EDEM1: variants seen among roughly 807,000 people sequenced by gnomAD.
EDEM1 encodes ER degradation enhancing alpha-mannosidase like protein 1, also known as ER degradation-enhancing alpha-mannosidase-like protein 1.
In EDEM1, 67 loss-of-function variants were observed where a neutral mutation model predicts 74.4. That is an observed-to-expected ratio of 0.90 (90% confidence interval 0.74 to 1.10). The LOEUF is 1.10. Among genes scored for constraint, EDEM1 ranks in the 50% least tolerant of loss-of-function variants. The probability of loss-of-function intolerance (pLI) is 0.00; values close to 1 mark genes in which losing one functional copy is unlikely to be tolerated. For missense variants in EDEM1, 926 were observed against 851.6 expected (o/e 1.09, Z -1.09); for synonymous variants, 382 against 335.9 (o/e 1.14, Z -1.50).
intron 2 of EDEM1, among the ~76,000 whole-genome samples, chr3:5,197,759 T>C (rs2054987031): frequency 6.6e-6 from 1 of 152,262 alleles, no homozygotes; most frequent in African/African-American, 2.4e-5. Context: ...CCCTGACCAT[T>C]GGATGCAACT....
chr3:5,205,026 TG>T (rs2055077652), intron 5 of EDEM1, 40 bp from the exon 6 acceptor site: 1 of 1,602,704 alleles, frequency 6.2e-7, no homozygotes, highest in African/African-American at 1.3e-5. Context: ...TCCTCCCCGA[TG>T]AGACAGCTGG....
At chr3:5,206,475 G>A (rs1004353100) in intron 6 of EDEM1, among the ~76,000 whole-genome samples, 5 of 152,048 alleles carry the variant, frequency 3.3e-5, no homozygotes, top group Non-Finnish European at 7.4e-5. Context: ...CAAAGTGCTG[G>A]GATTACAGGT....
Position 5,216,114 on chromosome 3 carries a change from G to A in EDEM1, c.*196G>A. On this transcript the variant is annotated 3_prime_UTR_variant, in exon 12 of 12. Coordinates refer to ENST00000256497, the MANE Select transcript of EDEM1 (RefSeq NM_014674.3). ...TCTCTCCTGTTCAATAAAATGCCCT[G>A]TTAAGGATATAATTTGAAGTGAGAA... 1 of 540,038 alleles carries A rather than the reference G, an allele frequency of 1.9e-6. No homozygotes were observed. The highest frequency in any genetic ancestry group is 3.2e-6 in the Non-Finnish European group (1 of 311,172). The allele number at this position is 540,038 out of a possible 1,614,324, so 33.5% of individuals were successfully genotyped here.
chr3:5,188,322 G>GC lies in EDEM1; in HGVS notation c.509+13dup. 2 of 1,454,672 alleles carry GC rather than the reference G, an allele frequency of 1.4e-6. No individual in the cohort carries two copies. The highest frequency in any genetic ancestry group is 9.1e-7 in the Non-Finnish European group (1 of 1,099,662). 90.1% of individuals were successfully genotyped at this position (1,454,672 alleles called of 1,614,324 possible). On this transcript the variant is annotated intron_variant, in intron 1 of 11. Coordinates refer to ENST00000256497, the MANE Select transcript of EDEM1 (RefSeq NM_014674.3). The stretch of plus-strand genomic sequence containing the variant: ...GCCCGACCGCGGGGACCCGTGAGTA[G>GC]CCCCCGCCGCCCGGGGCCGCGCGCC...
chr3:5,191,388 T>A (rs2054900332), intron 1 of EDEM1, among the ~76,000 whole-genome samples: 1 of 151,760 alleles, frequency 6.6e-6, no homozygotes, highest in Middle Eastern at 3.4e-3. Context: ...CATGCTCGGC[T>A]AATTTTTTTT....
At chr3:5,192,305 T>C (rs372992797) in intron 1 of EDEM1, among the ~76,000 whole-genome samples, 146 of 152,372 alleles carry the variant, frequency 9.6e-4, no homozygotes, top group African/African-American at 3.3e-3. Flanking sequence ...CTGTTTCTTA[T>C]GTTATCTCTG....
intron 2 of EDEM1, among the ~76,000 whole-genome samples, chr3:5,195,700 C>T (rs865999522): frequency 6.6e-5 from 10 of 152,188 alleles, no homozygotes; most frequent in Admixed American, 5.9e-4. Flanking sequence ...AAGTTGGAGC[C>T]CTAGCGCCCA....
intron 11 of EDEM1, among the ~76,000 whole-genome samples, chr3:5,214,406 A>C (rs960603832): frequency 6.6e-6 from 1 of 152,172 alleles, no homozygotes; most frequent in South Asian, 2.1e-4. Flanking sequence ...GAAGGTCTTC[A>C]CCATCAGTCT....
intron 2 of EDEM1, among the ~76,000 whole-genome samples, chr3:5,196,844 C>T (rs932267941): frequency 6.6e-6 from 1 of 151,864 alleles, no homozygotes; most frequent in African/African-American, 2.4e-5. Context: ...TTAAAGGAAA[C>T]GTCCTAAGAC....
chr3:5,208,124 G>T lies in EDEM1; in HGVS notation c.1370G>T (p.Cys457Phe), dbSNP rs2106604587. Residue 457 changes from cysteine to phenylalanine, a missense_variant, in exon 8 of 12, where the codon TGC becomes TTC. Physicochemically the swap from Cys to Phe is radical, Grantham distance 205. Coordinates refer to ENST00000256497, the MANE Select transcript of EDEM1 (RefSeq NM_014674.3). ...VLIGDVEDAI[C>F]LHAFYYAIWK... ...ATAGGAGATGTGGAAGATGCCATCT[G>T]CCTTCATGCCTTCTACTATGCCATA... 6.2e-7 allele frequency: 1 copy of T among 1,606,612 alleles called. No homozygotes were observed.
chr3:5,188,356 T>C, intron 1 of EDEM1, 42 bp downstream of exon 1: 1 of 1,375,320 alleles, frequency 7.3e-7, no homozygotes. Flanking sequence ...CCCACGCGCT[T>C]CCTTCCGCCC....
chr3:5,208,699 A>G (rs374164301), intron 8 of EDEM1, among the ~76,000 whole-genome samples: 24 of 151,618 alleles, frequency 1.6e-4, no homozygotes, highest in East Asian at 7.8e-4. Flanking sequence ...AAAGGAAATC[A>G]TCTTGGATTC....
chr3:5,188,689 T>C (rs939536835), intron 1 of EDEM1, among the ~76,000 whole-genome samples: 2 of 152,198 alleles, frequency 1.3e-5, no homozygotes, highest in African/African-American at 4.8e-5. Flanking sequence ...AAACTCTAAA[T>C]GAAATCTCCA....
At chr3:5,209,862 A>T (rs1028403150) in intron 8 of EDEM1, among the ~76,000 whole-genome samples, 3 of 152,214 alleles carry the variant, frequency 2.0e-5, no homozygotes, top group Non-Finnish European at 4.4e-5. Flanking sequence ...GTTCTCAGAT[A>T]TGGTGCTGTC....
Position 5,218,934 on chromosome 3 carries a change from G to C in EDEM1, c.*3016G>C, listed in dbSNP as rs910616527. 33 of 152,014 alleles carry C rather than the reference G, an allele frequency of 2.2e-4. No individual in the cohort carries two copies. Among genetic ancestry groups the C allele is most frequent in the Admixed American group, 2.2e-3 (33 of 15,244 alleles). The allele number at this position is 152,014 out of a possible 1,614,324, so 9.4% of individuals were successfully genotyped here. On this transcript the variant is annotated 3_prime_UTR_variant, in exon 12 of 12. Coordinates refer to ENST00000256497, the MANE Select transcript of EDEM1 (RefSeq NM_014674.3). ...AGGGCTTTTCTTGTTTTAGATCATG[G>C]ACTGTGCACGTGACACTTAAATAAT... is the stretch of plus-strand genomic sequence containing the variant.
Position 5,210,634 on chromosome 3 carries a change from A to G in EDEM1, c.1583+386A>G, listed in dbSNP as rs189048423. 1.4e-3 allele frequency among the ~76,000 whole-genome samples: 210 copies of G among 152,200 alleles called. 1 individual carries two copies. Among genetic ancestry groups the G allele is most frequent in the African/African-American group, 4.9e-3 (203 of 41,548 alleles). ...TATAATCTTTTAAATATTTTTATAT[A>G]TGATGTGTGTATATATGTATATATA... On this transcript the variant is annotated intron_variant, in intron 9 of 11. Transcript: ENST00000256497.
intron 3 of EDEM1, among the ~76,000 whole-genome samples, chr3:5,200,899 T>A (rs1348880227): frequency 2.7e-5 from 4 of 145,658 alleles, no homozygotes; most frequent in African/African-American, 5.5e-5. Flanking sequence ...TTAAATTAAA[T>A]TTTTTTTTTC....
intron 5 of EDEM1, among the ~76,000 whole-genome samples, 156 bp downstream of exon 5, chr3:5,203,305 C>T (rs1416327486): frequency 1.3e-5 from 2 of 152,216 alleles, no homozygotes; most frequent in African/African-American, 2.4e-5. Context: ...TGACCCTTTG[C>T]AGAGAGGCTG....
chr3:5,206,114 A>T (rs746746197), intron 6 of EDEM1, among the ~76,000 whole-genome samples: 2 of 151,654 alleles, frequency 1.3e-5, no homozygotes, highest in Non-Finnish European at 2.9e-5. Context: ...AACATTATTC[A>T]CCATTTTCTG....
Sources: gnomAD v4.1 joint callset for allele counts (sites outside exome capture counted in the v4.1 genomes callset) on GRCh38, gnomAD v4.1.1 for gene constraint, MANE v1.5 for transcripts, NCBI Gene and HGNC (gene_info 2026-07-23, HGNC 2026-07-21) for gene names.